The following BRINP1 variants were observed in gnomAD, a reference collection of about 807,000 sequenced individuals.
BRINP1 encodes the protein BMP/retinoic acid-inducible neural-specific protein 1.
A neutral mutation model predicts 72.9 loss-of-function variants in BRINP1; 17 were observed. The observed-to-expected ratio is 0.23, with a 90% CI of 0.16 to 0.35. The LOEUF is 0.35. Among genes scored for constraint, BRINP1 ranks in the 10% least tolerant of loss-of-function variants. The pLI, the probability that BRINP1 is intolerant of heterozygous loss-of-function variation, is 1.00. For synonymous variants in BRINP1, 418 were observed against 378.5 expected (o/e 1.10, Z -1.21); for missense variants, 850 against 1,001.6 (o/e 0.85, Z 2.04).
chr9:119,169,567 A>C (rs561496931), intron 7 of BRINP1, among the ~76,000 whole-genome samples: 2 of 152,242 alleles, frequency 1.3e-5, no homozygotes, highest in African/African-American at 2.4e-5. Flanking sequence ...GGCGCCCGCC[A>C]TTGCCCAGGC....
chr9:119,318,280 C>T (rs1378915308), intron 1 of BRINP1, among the ~76,000 whole-genome samples: 1 of 152,132 alleles, frequency 6.6e-6, no homozygotes, highest in Non-Finnish European at 1.5e-5. Flanking sequence ...TTAAATATGA[C>T]ACCTCATTTG....
intron 1 of BRINP1, among the ~76,000 whole-genome samples, chr9:119,349,605 T>C (rs1444146441): frequency 6.6e-6 from 1 of 152,192 alleles, no homozygotes; most frequent in Admixed American, 6.5e-5. Flanking sequence ...TTGGCCTAAA[T>C]CTTTTTTTAA....
chr9:119,262,202 C>T (rs1830503071), intron 2 of BRINP1, among the ~76,000 whole-genome samples: 1 of 152,126 alleles, frequency 6.6e-6, no homozygotes, highest in African/African-American at 2.4e-5. Context: ...TTGCTTTCAA[C>T]CCAAAAATCT....
intron 1 of BRINP1, among the ~76,000 whole-genome samples, chr9:119,333,669 G>A (rs1192461114): frequency 6.6e-6 from 1 of 152,010 alleles, no homozygotes. Flanking sequence ...TCCTAAACGA[G>A]GGGACACTGA....
At chr9:119,296,451 T>C (rs1830878830) in intron 2 of BRINP1, among the ~76,000 whole-genome samples, 1 of 152,126 alleles carries the variant, frequency 6.6e-6, no homozygotes. Context: ...AAACAAACAG[T>C]ATGGAAGTTC....
At chr9:119,282,196 C>A (rs550391628) in intron 2 of BRINP1, among the ~76,000 whole-genome samples, 2 of 152,330 alleles carry the variant, frequency 1.3e-5, no homozygotes, top group Admixed American at 6.5e-5. Context: ...CACCCACCTC[C>A]ATCCCTTCCC....
intron 5 of BRINP1, among the ~76,000 whole-genome samples, chr9:119,220,473 C>A (rs1830028975): frequency 6.6e-6 from 1 of 152,142 alleles, no homozygotes; most frequent in Non-Finnish European, 1.5e-5. Context: ...GACTTTGATT[C>A]TGCTCTTTTG....
At chr9:119,318,231 C>T (rs570294393) in intron 1 of BRINP1, among the ~76,000 whole-genome samples, 18 of 152,266 alleles carry the variant, frequency 1.2e-4, no homozygotes, top group South Asian at 6.2e-4. Context: ...GGTGAGGACA[C>T]AAACAATTTG....
At chr9:119,338,480 G>A (rs1831372568) in intron 1 of BRINP1, among the ~76,000 whole-genome samples, 1 of 151,516 alleles carries the variant, frequency 6.6e-6, no homozygotes, top group Non-Finnish European at 1.5e-5. Flanking sequence ...GCCTCTCCCG[G>A]GACACCTTAC....
At chr9:119,267,365 T>G (rs2118946190) in intron 2 of BRINP1, among the ~76,000 whole-genome samples, 1 of 152,234 alleles carries the variant, frequency 6.6e-6, no homozygotes, top group South Asian at 2.1e-4. Flanking sequence ...CCAGGCACGG[T>G]GGCTCACACC....
intron 2 of BRINP1, among the ~76,000 whole-genome samples, chr9:119,273,194 C>T (rs1268811191): frequency 6.6e-6 from 1 of 152,216 alleles, no homozygotes; most frequent in Non-Finnish European, 1.5e-5. Flanking sequence ...CTATTCCTGG[C>T]TCTGTCACCA....
chr9:119,310,257 A>G (rs2118991982), intron 2 of BRINP1, among the ~76,000 whole-genome samples: 1 of 152,308 alleles, frequency 6.6e-6, no homozygotes, highest in South Asian at 2.1e-4. Context: ...TCCGAGGTCA[A>G]AAGTTCTCCC....
At chr9:119,209,067 G>A (rs934777948) in intron 6 of BRINP1, 126 bp from the exon 7 acceptor site, 2 of 714,904 alleles carry the variant, frequency 2.8e-6, no homozygotes, top group Non-Finnish European at 4.6e-6. Flanking sequence ...TTTCTTAAGG[G>A]CCATAGAACA....
chr9:119,173,569 A>C (rs868691808), intron 7 of BRINP1, among the ~76,000 whole-genome samples: 1 of 152,138 alleles, frequency 6.6e-6, no homozygotes. Flanking sequence ...ATACTGCCCA[A>C]GGTAATTTAC....
chr9:119,258,507 G>T (rs568886592), intron 2 of BRINP1, among the ~76,000 whole-genome samples: 54 of 152,288 alleles, frequency 3.5e-4, no homozygotes, highest in African/African-American at 1.2e-3. Context: ...TACACTCCAT[G>T]CACTGGAACT....
At chr9:119,367,144 G>C (rs1363987131) in intron 1 of BRINP1, among the ~76,000 whole-genome samples, 1 of 148,114 alleles carries the variant, frequency 6.8e-6, no homozygotes, top group African/African-American at 2.5e-5. Context: ...ACTAGGGCAG[G>C]TTCCTACAAA....
intron 1 of BRINP1, among the ~76,000 whole-genome samples, chr9:119,350,187 A>T (rs749742831): frequency 2.6e-5 from 4 of 152,174 alleles, no homozygotes; most frequent in Non-Finnish European, 5.9e-5. Context: ...TCTGGGAACA[A>T]CTGCTCTGGA....
At chr9:119,289,668 C>T (rs1276005668) in intron 2 of BRINP1, among the ~76,000 whole-genome samples, 1 of 152,164 alleles carries the variant, frequency 6.6e-6, no homozygotes, top group Non-Finnish European at 1.5e-5. Flanking sequence ...CCCCAGCTAC[C>T]ACAGATAGCA....
intron 1 of BRINP1, among the ~76,000 whole-genome samples, chr9:119,356,540 C>T (rs781220847): frequency 1.3e-5 from 2 of 152,100 alleles, no homozygotes; most frequent in African/African-American, 2.4e-5. Context: ...CAGTGGTTCA[C>T]GCCTGTAATC....
Sources: allele counts gnomAD v4.1 joint callset (sites outside exome capture counted in the v4.1 genomes callset), GRCh38; gene constraint gnomAD v4.1.1; transcripts MANE v1.5; gene names NCBI Gene and HGNC (gene_info 2026-07-23, HGNC 2026-07-21).